Variants in M1AP observed in about 807,000 individuals in gnomAD.
M1AP encodes meiosis 1 associated protein.
M1AP carries 39 observed loss-of-function variants against 51.2 expected under a neutral mutation model. The ratio of observed to expected loss-of-function variants is 0.76; its 90% CI spans 0.59 to 1.00. The LOEUF (loss-of-function observed/expected upper bound fraction) is 1.00, where lower values mean the gene tolerates loss of function less well. Ranked by LOEUF, M1AP falls within the 50% of genes least tolerant of loss-of-function variation. M1AP has a pLI of 0.00. For missense variants in M1AP, 545 were observed against 641.2 expected (o/e 0.85, Z 1.62); for synonymous variants, 251 against 249.2 (o/e 1.01, Z -0.07).
chr2:74,640,647 G>T (rs1241362875), intron 1 of M1AP, among the ~76,000 whole-genome samples: 1 of 152,068 alleles, frequency 6.6e-6, no homozygotes, highest in East Asian at 1.9e-4. Context: ...TTTTAGAGAT[G>T]GGGTTTCACC....
intron 4 of M1AP, among the ~76,000 whole-genome samples, chr2:74,582,109 CT>C (rs901169599): frequency 6.6e-6 from 1 of 151,950 alleles, no homozygotes; most frequent in Non-Finnish European, 1.5e-5. Context: ...TTTTAAAAAA[CT>C]TTTTTTTAGA....
chr2:74,619,537 G>T (rs774291435), intron 2 of M1AP, among the ~76,000 whole-genome samples: 26 of 152,184 alleles, frequency 1.7e-4, no homozygotes, highest in Non-Finnish European at 2.6e-4. Context: ...CCTCCATTCA[G>T]TGGGTAAGTT....
chr2:74,558,548 G>C lies in M1AP; in HGVS notation c.*168C>G, dbSNP rs1265983038. 3 of 686,006 alleles carry C rather than the reference G, an allele frequency of 4.4e-6. No individual in the cohort carries two copies. Among genetic ancestry groups the C allele is most frequent in the Non-Finnish European group, 7.1e-6 (3 of 421,432 alleles). The allele number at this position is 686,006 out of a possible 1,614,324, so 42.5% of individuals were successfully genotyped here. A position where few individuals can be genotyped will look rare whatever the true frequency, so the allele number is the denominator to read the frequency against. ...GCTCGGGTGTGTCGCTTCCAGACTT[G>C]AGGAGTGGGACAGCACTGAAACAGG... On this transcript the variant is annotated 3_prime_UTR_variant, in exon 11 of 11. Transcript: ENST00000421985.
intron 7 of M1AP, among the ~76,000 whole-genome samples, chr2:74,570,398 T>C (rs760914639): frequency 1.5e-4 from 23 of 152,290 alleles, no homozygotes; most frequent in Non-Finnish European, 2.2e-4. Flanking sequence ...AGCCTAGGAA[T>C]TGGTTAGTAA....
At chr2:74,647,704 C>A (rs535209256) in intron 1 of M1AP, among the ~76,000 whole-genome samples, 1 of 152,188 alleles carries the variant, frequency 6.6e-6, no homozygotes, top group Admixed American at 6.5e-5. Context: ...GCAGCCTGGC[C>A]AACATAGGGA....
chr2:74,616,871 G>A (rs1681697256), intron 2 of M1AP, among the ~76,000 whole-genome samples: 1 of 152,184 alleles, frequency 6.6e-6, no homozygotes, highest in South Asian at 2.1e-4. Flanking sequence ...AGGTTTGTGT[G>A]AATAAATAAA....
At chr2:74,583,691 C>T (rs979376183) in intron 4 of M1AP, among the ~76,000 whole-genome samples, 1 of 152,180 alleles carries the variant, frequency 6.6e-6, no homozygotes, top group African/African-American at 2.4e-5. Flanking sequence ...GACTCATAGA[C>T]CCCAGGGAGA....
intron 5 of M1AP, 98 bp from the exon 6 acceptor site, chr2:74,576,716 T>G: frequency 7.3e-7 from 1 of 1,375,458 alleles, no homozygotes; most frequent in Non-Finnish European, 1.0e-6. Context: ...AGACAACATC[T>G]GCTACCCATT....
At chr2:74,561,384 A>G (rs996861468) in intron 8 of M1AP, among the ~76,000 whole-genome samples, 1 of 152,178 alleles carries the variant, frequency 6.6e-6, no homozygotes, top group African/African-American at 2.4e-5. Context: ...GCCTTTTCTC[A>G]ACAAACATAA....
intron 10 of M1AP, 85 bp from the exon 11 acceptor site, chr2:74,558,959 CT>C (rs777153504): frequency 1.4e-5 from 18 of 1,330,442 alleles, no homozygotes; most frequent in Non-Finnish European, 1.8e-5. Context: ...CCTGTCCTAA[CT>C]CTTTCCTAAG....
intron 4 of M1AP, among the ~76,000 whole-genome samples, chr2:74,594,012 C>G (rs1437854142): frequency 2.6e-5 from 4 of 152,114 alleles, no homozygotes; most frequent in Non-Finnish European, 5.9e-5. Context: ...AGGTAAATAG[C>G]TGATTGGACC....
intron 1 of M1AP, chr2:74,647,437 C>T (rs1393438773): frequency 2.0e-6 from 2 of 980,810 alleles, no homozygotes; most frequent in Non-Finnish European, 2.4e-6. Context: ...ATTTCGTGGG[C>T]CCTAAGGCAC....
chr2:74,615,171 A>T (rs1681593465), intron 2 of M1AP, 22 bp from the exon 3 acceptor site: 2 of 1,611,458 alleles, frequency 1.2e-6, no homozygotes, highest in African/African-American at 2.7e-5. Flanking sequence ...AACGAATCAA[A>T]GACACAAGTC....
intron 4 of M1AP, among the ~76,000 whole-genome samples, chr2:74,582,438 A>C (rs550939959): frequency 1.3e-5 from 2 of 152,378 alleles, no homozygotes. Flanking sequence ...ACTATGGAGT[A>C]TTACGTGTTT....
intron 4 of M1AP, among the ~76,000 whole-genome samples, chr2:74,587,131 T>C (rs1238323302): frequency 6.6e-6 from 1 of 152,138 alleles, no homozygotes; most frequent in Admixed American, 6.5e-5. Context: ...CCAACAAATA[T>C]AATTTTCTTC....
chr2:74,636,750 G>A (rs986301313), intron 2 of M1AP, among the ~76,000 whole-genome samples: 4 of 151,844 alleles, frequency 2.6e-5, no homozygotes, highest in African/African-American at 9.7e-5. Flanking sequence ...ACTTTCCCCT[G>A]CTTTGTTTAT....
At chr2:74,585,335 T>C (rs1321196680) in intron 4 of M1AP, among the ~76,000 whole-genome samples, 1 of 152,202 alleles carries the variant, frequency 6.6e-6, no homozygotes, top group Non-Finnish European at 1.5e-5. Context: ...CTCTTTTTTG[T>C]GATTATGGTT....
At chr2:74,592,123 A>G (rs1558665591) in intron 4 of M1AP, among the ~76,000 whole-genome samples, 1 of 152,096 alleles carries the variant, frequency 6.6e-6, no homozygotes, top group Non-Finnish European at 1.5e-5. Flanking sequence ...TTCTTAAAAA[A>G]ATCCTAGATA....
At chr2:74,593,219 G>A (rs1439190180) in intron 4 of M1AP, among the ~76,000 whole-genome samples, 1 of 152,122 alleles carries the variant, frequency 6.6e-6, no homozygotes, top group African/African-American at 2.4e-5. Context: ...GATGGAGAAC[G>A]TGAGCTTATT....
Sources: gnomAD v4.1 joint callset for allele counts (sites outside exome capture counted in the v4.1 genomes callset) on GRCh38, gnomAD v4.1.1 for gene constraint, MANE v1.5 for transcripts, NCBI Gene and HGNC (gene_info 2026-07-23, HGNC 2026-07-21) for gene names.